SORCS2: variants seen among roughly 807,000 people sequenced by gnomAD.
SORCS2 encodes sortilin related VPS10 domain containing receptor 2.
Under a neutral mutation model 141.6 loss-of-function variants are expected in SORCS2, and 100 were observed. That is an observed-to-expected ratio of 0.71 (90% CI 0.60 to 0.83). The LOEUF (loss-of-function observed/expected upper bound fraction) is 0.83. SORCS2 is among the 40% of genes least tolerant of loss of function. The pLI, the probability that SORCS2 is intolerant of heterozygous loss-of-function variation, is 0.00. For synonymous variants in SORCS2, 789 were observed against 676.9 expected, an observed-to-expected ratio of 1.17 and a Z score of -2.57; for missense variants, 1,646 against 1,560.2, an observed-to-expected ratio of 1.05 and a Z score of -0.93.
intron 3 of SORCS2, among the ~76,000 whole-genome samples, chr4:7,630,072 C>A (rs1719782780): frequency 6.6e-6 from 1 of 152,192 alleles, no homozygotes; most frequent in African/African-American, 2.4e-5. Context: ...CAGCCACCGG[C>A]ATGTCCCCCT....
intron 1 of SORCS2, among the ~76,000 whole-genome samples, chr4:7,319,992 A>G (rs1033911593): frequency 1.3e-5 from 2 of 152,104 alleles, no homozygotes; most frequent in African/African-American, 4.8e-5. Flanking sequence ...AATGATATTC[A>G]GTGTACTCTT....
chr4:7,714,682 C>A (rs997337761), intron 16 of SORCS2, among the ~76,000 whole-genome samples: 1 of 152,208 alleles, frequency 6.6e-6, no homozygotes, highest in Non-Finnish European at 1.5e-5. Context: ...GCACCCACCC[C>A]AGCCCTTCTC....
chr4:7,571,395 C>A (rs995788165), intron 3 of SORCS2, among the ~76,000 whole-genome samples: 1 of 152,168 alleles, frequency 6.6e-6, no homozygotes, highest in East Asian at 1.9e-4. Flanking sequence ...AACCACATGG[C>A]AGGACCCTGG....
At chr4:7,724,558 TG>T (rs1338921775) in intron 19 of SORCS2, among the ~76,000 whole-genome samples, 2 of 91,206 alleles carry the variant, frequency 2.2e-5, no homozygotes, top group East Asian at 9.4e-4. Flanking sequence ...GTGGTGGGAA[TG>T]GATGGTGGTG....
At chr4:7,463,427 C>T (rs950679222) in intron 2 of SORCS2, among the ~76,000 whole-genome samples, 24 of 152,188 alleles carry the variant, frequency 1.6e-4, no homozygotes, top group Admixed American at 3.3e-4. Context: ...GAGACTCCAG[C>T]GCATAGTAGG....
At chr4:7,662,674 C>T (rs1277465398) in intron 6 of SORCS2, among the ~76,000 whole-genome samples, 3 of 152,252 alleles carry the variant, frequency 2.0e-5, no homozygotes, top group Non-Finnish European at 2.9e-5. Flanking sequence ...GGTTAGCTGT[C>T]TGCCCTTTCC....
At chr4:7,370,110 G>A (rs1471416175) in intron 1 of SORCS2, among the ~76,000 whole-genome samples, 2 of 152,212 alleles carry the variant, frequency 1.3e-5, no homozygotes, top group Non-Finnish European at 2.9e-5. Flanking sequence ...TCCTGGGTGG[G>A]GTGTGTGCAG....
intron 1 of SORCS2, among the ~76,000 whole-genome samples, chr4:7,196,025 G>A (rs1354547446): frequency 6.6e-6 from 1 of 152,190 alleles, no homozygotes; most frequent in East Asian, 1.9e-4. Flanking sequence ...CCCACAAGAA[G>A]CAGTCCCAGG....
rs918996404 is a variant in SORCS2 at position 7,591,817 on chromosome 4, C to T, written c.649-46511C>T. 7.9e-5 allele frequency among the ~76,000 whole-genome samples: 12 copies of T among 152,252 alleles called. No homozygotes were observed. In the South Asian group the frequency reaches 1.0e-3, roughly 13 times the overall value. Reference sequence around the variant, plus strand: ...CCTGTCGTCAGGGGTGCCCGCCGCACGGATGGATGGGTTTCCTTGAGTCCC... The same window carrying T: ...CCTGTCGTCAGGGGTGCCCGCCGCATGGATGGATGGGTTTCCTTGAGTCCC... On this transcript the variant is annotated intron_variant, in intron 3 of 26. Transcript: ENST00000507866.
rs547226462 is a variant in SORCS2 at position 7,518,806 on chromosome 4, G to GC, written c.549-12717dup. Among the ~76,000 whole-genome samples, 8 of 151,952 alleles carry GC rather than the reference G, an allele frequency of 5.3e-5. No homozygotes were observed. The South Asian group carries it at 6.3e-4, about 12-fold the overall frequency. ...CTCTACCTGGCCATAAACTCAGCCT[G>GC]CCCCCCCGGCCCCCCATCAAACGCA... On this transcript the variant is annotated intron_variant, in intron 2 of 26. Transcript: ENST00000507866.
chr4:7,574,474 G>A (rs768519651), intron 3 of SORCS2, among the ~76,000 whole-genome samples: 5 of 152,212 alleles, frequency 3.3e-5, no homozygotes, highest in East Asian at 1.9e-4. Flanking sequence ...GGGATTGCCT[G>A]CCGTTTCAGC....
intron 3 of SORCS2, among the ~76,000 whole-genome samples, chr4:7,619,657 T>C (rs1417948595): frequency 1.3e-5 from 2 of 152,186 alleles, no homozygotes. Flanking sequence ...TTGGACTTGA[T>C]GTGCCCTCCC....
intron 2 of SORCS2, among the ~76,000 whole-genome samples, chr4:7,417,974 T>C (rs1229123416): frequency 6.6e-6 from 1 of 152,052 alleles, no homozygotes; most frequent in East Asian, 1.9e-4. Flanking sequence ...CTGGGGTCAG[T>C]GGAGCTTCAT....
chr4:7,515,816 C>A (rs1577683633), intron 2 of SORCS2, among the ~76,000 whole-genome samples: 1 of 152,202 alleles, frequency 6.6e-6, no homozygotes. Flanking sequence ...GCTGGAGTAG[C>A]CCTGGCAAAG....
At chr4:7,624,557 G>A (rs1719403157) in intron 3 of SORCS2, among the ~76,000 whole-genome samples, 1 of 152,214 alleles carries the variant, frequency 6.6e-6, no homozygotes, top group African/African-American at 2.4e-5. Flanking sequence ...TCCGAAAGCT[G>A]TCATCTTCAC....
chr4:7,611,431 G>A (rs1042614067), intron 3 of SORCS2, among the ~76,000 whole-genome samples: 3 of 152,148 alleles, frequency 2.0e-5, no homozygotes, highest in Admixed American at 6.5e-5. Flanking sequence ...GAAACCGGCC[G>A]ACCAGCACCC....
intron 1 of SORCS2, among the ~76,000 whole-genome samples, chr4:7,268,119 C>T (rs1233459796): frequency 6.6e-6 from 1 of 152,176 alleles, no homozygotes; most frequent in African/African-American, 2.4e-5. Context: ...CTCCCTTCTC[C>T]CCTTGTGGGG....
chr4:7,287,426 CTGGG>C (rs1716301624), intron 1 of SORCS2, among the ~76,000 whole-genome samples: 1 of 152,218 alleles, frequency 6.6e-6, no homozygotes, highest in African/African-American at 2.4e-5. Context: ...ACCGTTCCTA[CTGGG>C]AGCTGGGCGT....
intron 12 of SORCS2, among the ~76,000 whole-genome samples, chr4:7,698,314 C>A (rs1420863441): frequency 1.3e-5 from 2 of 152,232 alleles, no homozygotes; most frequent in Non-Finnish European, 2.9e-5. Context: ...GCCACGGCCC[C>A]CCTCCCACAC....
Sources: gnomAD v4.1 joint callset for allele counts (sites outside exome capture counted in the v4.1 genomes callset) on GRCh38, gnomAD v4.1.1 for gene constraint, MANE v1.5 for transcripts, NCBI Gene and HGNC (gene_info 2026-07-23, HGNC 2026-07-21) for gene names.